SUZ12: variants seen among roughly 807,000 people sequenced by gnomAD.
SUZ12 encodes SUZ12 polycomb repressive complex 2 subunit, also known as polycomb protein SUZ12.
In SUZ12, 17 loss-of-function variants were observed where a neutral mutation model predicts 87.3. The ratio of observed to expected loss-of-function variants is 0.19; its 90% CI spans 0.13 to 0.29. The LOEUF (loss-of-function observed/expected upper bound fraction) is 0.29. Among genes scored for constraint, SUZ12 ranks in the 10% least tolerant of loss-of-function variants. The pLI is 1.00. For missense variants in SUZ12, 526 were observed against 912.2 expected, an observed-to-expected ratio of 0.58 and a Z score of 5.45; for synonymous variants, 253 against 312.4, an observed-to-expected ratio of 0.81 and a Z score of 2.01.
chr17:31,937,408 C>G lies in SUZ12; in HGVS notation c.162C>G (p.Ala54=). The G allele has an allele frequency of 1.3e-6, 2 of 1,505,728 alleles. No homozygotes were observed. The highest frequency in any genetic ancestry group is 2.7e-5 in the East Asian group (1 of 37,470). 93.3% of individuals were successfully genotyped at this position (1,505,728 alleles called of 1,614,324 possible). The change falls in exon 1 of 16, where the codon GCC becomes GCG. Residue 54 remains alanine (A), a synonymous_variant. Transcript: ENST00000322652. ...GSCGGGGSYS[A]SSSSSAAAAA... The stretch of plus-strand genomic sequence containing the variant: ...GTGGAGGGGGTGGCAGTTACTCGGC[C>G]TCCTCCTCCTCCTCCGCGGCGGCAG...
intron 6 of SUZ12, among the ~76,000 whole-genome samples, chr17:31,974,971 A>G (rs181951313): frequency 1.2e-4 from 18 of 152,252 alleles, no homozygotes; most frequent in African/African-American, 4.3e-4. Context: ...CTGTTAAACA[A>G]CATATTTTAA....
In SUZ12 at chr17:31,998,148, C is replaced by T. The variant is rs890701391; in HGVS notation, c.1875-510C>T. On this transcript the variant is annotated intron_variant, in intron 15 of 15. Transcript: ENST00000322652. ...AGGCTGGAGTGCAGTGGTGTGATCT[C>T]GACTCACTGCAAGCTCCACCTCCCA... Among the ~76,000 whole-genome samples, 4 of 148,854 alleles carry T rather than the reference C, an allele frequency of 2.7e-5. No homozygotes were observed. In the East Asian group the frequency reaches 5.9e-4, roughly 22 times the overall value.
intron 4 of SUZ12, among the ~76,000 whole-genome samples, chr17:31,965,419 T>G (rs1006390892): frequency 6.6e-6 from 1 of 152,218 alleles, no homozygotes; most frequent in African/African-American, 2.4e-5. Context: ...TATCCCATGC[T>G]TATTGTTTTT....
chr17:31,993,761 T>A (rs1909837310), intron 11 of SUZ12, 104 bp from the exon 12 acceptor site: 1 of 1,198,062 alleles, frequency 8.3e-7, no homozygotes, highest in Admixed American at 2.6e-5. Flanking sequence ...TCTAATTTGA[T>A]TTTCCGCTTA....
At chr17:31,996,655 A>C in intron 14 of SUZ12, 143 bp from the exon 15 acceptor site, 1 of 529,116 alleles carries the variant, frequency 1.9e-6, no homozygotes, top group Non-Finnish European at 3.3e-6. Context: ...TGACTACTTA[A>C]ATAGAAGTTA....
At chr17:31,990,118 C>T (rs554349118) in intron 10 of SUZ12, among the ~76,000 whole-genome samples, 6 of 124,376 alleles carry the variant, frequency 4.8e-5, no homozygotes, top group African/African-American at 1.7e-4. Context: ...CCATGCCCGG[C>T]TAATTTTTTT....
rs539404843 is a variant in SUZ12, at chr17:31,958,707, G to A, written c.456-7440G>A. ...GTAAAAATACAAAAATTAGCTGGGC[G>A]TGGTGGCATGTGCCTGTATTTCTAG... is the stretch of plus-strand genomic sequence containing the variant. On this transcript the variant is annotated intron_variant, in intron 4 of 15. Transcript: ENST00000322652. Among the ~76,000 whole-genome samples, 17 of 152,226 alleles carry A rather than the reference G, an allele frequency of 1.1e-4. 1 individual carries two copies. The East Asian group carries it at 2.7e-3, about 24-fold the overall frequency.
chr17:31,996,883 G>T lies in SUZ12; in HGVS notation c.1874+6G>T. The T allele has an allele frequency of 6.8e-7, 1 of 1,467,060 alleles. No individual in the cohort carries two copies. Among genetic ancestry groups the T allele is most frequent in the Non-Finnish European group, 9.0e-7 (1 of 1,109,120 alleles). 90.9% of individuals were successfully genotyped at this position (1,467,060 alleles called of 1,614,324 possible). On this transcript the variant is annotated splice_donor_region_variant and intron_variant, in intron 15 of 15. Transcript: ENST00000322652. ...CTCCATGTCATGAAGCATGGGTAGGGTATTTCTAAATTAATTTAAATATTT... is the reference window on the plus strand; with the variant it reads ...CTCCATGTCATGAAGCATGGGTAGGTTATTTCTAAATTAATTTAAATATTT...
chr17:31,950,420 C>T (rs1159025373), intron 4 of SUZ12, among the ~76,000 whole-genome samples: 1 of 152,144 alleles, frequency 6.6e-6, no homozygotes, highest in Admixed American at 6.6e-5. Flanking sequence ...CATAGTGGCT[C>T]ACACCTATAA....
chr17:31,989,552 T>G (rs750913497), intron 10 of SUZ12, among the ~76,000 whole-genome samples: 3 of 152,104 alleles, frequency 2.0e-5, no homozygotes, highest in Non-Finnish European at 2.9e-5. Flanking sequence ...GATTTTGGAA[T>G]CACAACTACA....
At chr17:31,945,208 G>T (rs914978926) in intron 3 of SUZ12, among the ~76,000 whole-genome samples, 1 of 152,100 alleles carries the variant, frequency 6.6e-6, no homozygotes, top group Non-Finnish European at 1.5e-5. Context: ...ACTTTGGAAG[G>T]TGGCAGATTT....
At chr17:31,953,788 A>G (rs1180071613) in intron 4 of SUZ12, among the ~76,000 whole-genome samples, 1 of 143,832 alleles carries the variant, frequency 7.0e-6, no homozygotes, top group Non-Finnish European at 1.5e-5. Flanking sequence ...ATCTCGGCTC[A>G]CTGCAACCTC....
intron 4 of SUZ12, among the ~76,000 whole-genome samples, chr17:31,957,421 T>C (rs566551764): frequency 6.9e-4 from 105 of 151,904 alleles, no homozygotes; most frequent in African/African-American, 2.5e-3. Flanking sequence ...TGTATTCTTT[T>C]TTTTTTTGGT....
chr17:31,977,836 C>A (rs1908851908), intron 8 of SUZ12, among the ~76,000 whole-genome samples: 1 of 151,942 alleles, frequency 6.6e-6, no homozygotes, highest in South Asian at 2.1e-4. Flanking sequence ...TTGCAGTGAG[C>A]CGAGATCACA....
At chr17:31,946,303 G>T (rs927606474) in intron 3 of SUZ12, among the ~76,000 whole-genome samples, 1 of 152,158 alleles carries the variant, frequency 6.6e-6, no homozygotes, top group South Asian at 2.1e-4. Context: ...GGAGACAGGG[G>T]TGGATAGATC....
Position 31,992,473 on chromosome 17 carries a change from G to A in SUZ12, c.1202-769G>A, listed in dbSNP as rs1210631178. Among the ~76,000 whole-genome samples, 4 of 151,766 alleles carry A rather than the reference G, an allele frequency of 2.6e-5. No individual in the cohort carries two copies. In the East Asian group the frequency reaches 7.8e-4, roughly 29 times the overall value. On this transcript the variant is annotated intron_variant, in intron 10 of 15. Coordinates refer to ENST00000322652, the MANE Select transcript of SUZ12 (RefSeq NM_015355.4). ...CGCCCAGGCTGGAGTGTAGTGGTGC[G>A]ATCTCAGCTCACTGCAAGCTCTGCC... is the stretch of plus-strand genomic sequence containing the variant.
chr17:31,942,935 A>G (rs1032607949), intron 3 of SUZ12, among the ~76,000 whole-genome samples: 2 of 152,236 alleles, frequency 1.3e-5, no homozygotes, highest in Admixed American at 1.3e-4. Context: ...CCATCAAGTT[A>G]TCTCGATAGA....
intron 8 of SUZ12, among the ~76,000 whole-genome samples, chr17:31,982,618 C>T (rs1216860741): frequency 1.3e-5 from 2 of 152,252 alleles, no homozygotes; most frequent in East Asian, 3.9e-4. Context: ...GAGATTGCAC[C>T]ACTGCCCTCC....
intron 5 of SUZ12, chr17:31,966,643 G>C (rs1453974475): frequency 6.5e-6 from 1 of 153,990 alleles, no homozygotes; most frequent in Non-Finnish European, 1.4e-5. Flanking sequence ...TAATGATGAA[G>C]ATTTTAACAA....
Sources: allele counts gnomAD v4.1 joint callset (sites outside exome capture counted in the v4.1 genomes callset), GRCh38; gene constraint gnomAD v4.1.1; transcripts MANE v1.5; gene names NCBI Gene and HGNC (gene_info 2026-07-23, HGNC 2026-07-21).